STK38L: variants seen among roughly 807,000 people sequenced by gnomAD.
STK38L encodes the protein serine/threonine kinase 38 like.
A neutral mutation model predicts 59.7 loss-of-function variants in STK38L; 28 were observed. The observed-to-expected ratio is 0.47, with a 90% CI of 0.35 to 0.64. STK38L has a LOEUF of 0.64. Ranked by LOEUF, STK38L falls within the 30% of genes least tolerant of loss-of-function variation. The probability of loss-of-function intolerance (pLI) is 0.01; values close to 1 mark genes in which losing one functional copy is unlikely to be tolerated. For synonymous variants in STK38L, 162 were observed against 176.8 expected, an observed-to-expected ratio of 0.92 and a Z score of 0.66; for missense variants, 314 against 555.8, an observed-to-expected ratio of 0.56 and a Z score of 4.37.
intron 1 of STK38L, among the ~76,000 whole-genome samples, chr12:27,274,137 C>T (rs1402652663): frequency 6.6e-6 from 1 of 151,356 alleles, no homozygotes; most frequent in Non-Finnish European, 1.5e-5. Context: ...CCGGTAATCC[C>T]AGTTACTCGG....
intron 1 of STK38L, among the ~76,000 whole-genome samples, chr12:27,257,864 C>CT (rs112918365): frequency 0.05 from 7,043 of 140,632 alleles, 495 homozygotes; most frequent in East Asian, 0.39. Context: ...TTATGTCAAG[C>CT]TTTTTTTTTT....
At chr12:27,249,484 C>T (rs545127333) in intron 1 of STK38L, among the ~76,000 whole-genome samples, 3 of 152,194 alleles carry the variant, frequency 2.0e-5, no homozygotes, top group East Asian at 1.9e-4. Context: ...ATTACAGGCA[C>T]GCACCACCAT....
At chr12:27,249,630 G>C (rs528108831) in intron 1 of STK38L, among the ~76,000 whole-genome samples, 1 of 152,204 alleles carries the variant, frequency 6.6e-6, no homozygotes. Flanking sequence ...GAGCCACTGC[G>C]CCTGGCCTAT....
At chr12:27,309,813 C>T (rs1030206122) in intron 5 of STK38L, among the ~76,000 whole-genome samples, 6 of 152,154 alleles carry the variant, frequency 3.9e-5, no homozygotes, top group African/African-American at 7.2e-5. Flanking sequence ...GGACAGTTCT[C>T]AGCTCCCAGA....
intron 12 of STK38L, among the ~76,000 whole-genome samples, chr12:27,320,095 C>G (rs1014962021): frequency 1.3e-5 from 2 of 152,180 alleles, no homozygotes; most frequent in Non-Finnish European, 2.9e-5. Context: ...CTCTTCCCAC[C>G]TCTAAGTTTT....
chr12:27,295,088 T>A (rs1038589274), intron 1 of STK38L, among the ~76,000 whole-genome samples: 1 of 152,200 alleles, frequency 6.6e-6, no homozygotes, highest in Non-Finnish European at 1.5e-5. Flanking sequence ...CAGCATTGTT[T>A]TAGCAATTCA....
In STK38L at chr12:27,325,668, A is replaced by C. The variant is rs545661599; in HGVS notation, c.*3213A>C. 6.6e-6 allele frequency: 1 copy of C among 152,194 alleles called. No homozygotes were observed. 9.4% of individuals were successfully genotyped at this position (152,194 alleles called of 1,614,324 possible). On this transcript the variant is annotated 3_prime_UTR_variant, in exon 14 of 14. Coordinates refer to ENST00000389032, the MANE Select transcript of STK38L (RefSeq NM_015000.4). ...GTGCACTTATTTCTGAAAAATCTTAATGAAACAAACGCTTAGAACAAATAT... is the reference window on the plus strand; with the variant it reads ...GTGCACTTATTTCTGAAAAATCTTACTGAAACAAACGCTTAGAACAAATAT...
intron 5 of STK38L, among the ~76,000 whole-genome samples, chr12:27,310,601 T>G (rs1944431838): frequency 6.6e-6 from 1 of 152,242 alleles, no homozygotes; most frequent in African/African-American, 2.4e-5. Flanking sequence ...ATTTTTATAT[T>G]GATTACATAC....
chr12:27,288,296 G>A (rs1943821397), intron 1 of STK38L, among the ~76,000 whole-genome samples: 1 of 152,034 alleles, frequency 6.6e-6, no homozygotes, highest in Non-Finnish European at 1.5e-5. Flanking sequence ...ACATTTTAAA[G>A]CATACATTTA....
intron 3 of STK38L, chr12:27,302,407 G>A: frequency 2.8e-6 from 1 of 351,852 alleles, no homozygotes; most frequent in Non-Finnish European, 5.1e-6. Context: ...ACATTGCCAA[G>A]TGTATTTTAG....
chr12:27,292,030 T>C (rs557445597), intron 1 of STK38L, among the ~76,000 whole-genome samples: 131 of 152,364 alleles, frequency 8.6e-4, no homozygotes, highest in Non-Finnish European at 1.4e-3. Flanking sequence ...CTATTGGTAG[T>C]GTCTCCATTA....
rs1212117050 is a variant in STK38L, at chr12:27,323,944, C to A, written c.*1489C>A. The A allele has an allele frequency of 6.6e-6, 1 of 152,054 alleles. No homozygotes were observed. The highest frequency in any genetic ancestry group is 1.5e-5 in the Non-Finnish European group (1 of 67,966). The allele number at this position is 152,054 out of a possible 1,614,324, so 9.4% of individuals were successfully genotyped here. On this transcript the variant is annotated 3_prime_UTR_variant, in exon 14 of 14. Coordinates refer to ENST00000389032, the MANE Select transcript of STK38L (RefSeq NM_015000.4). ...TAATGGATGAAATTTTTTAAAGATA[C>A]AACCATGATAACCATTATAAATGAT...
At chr12:27,293,272 A>G (rs1750045930) in intron 1 of STK38L, among the ~76,000 whole-genome samples, 2 of 152,220 alleles carry the variant, frequency 1.3e-5, no homozygotes, top group South Asian at 4.1e-4. Context: ...ATTTGGCTTC[A>G]TTCTGGGAAG....
chr12:27,301,827 G>T (rs1156364875), intron 2 of STK38L, among the ~76,000 whole-genome samples: 1 of 152,054 alleles, frequency 6.6e-6, no homozygotes, highest in Non-Finnish European at 1.5e-5. Flanking sequence ...AATGATATTG[G>T]TAGATTGAAC....
chr12:27,308,759 C>T lies in STK38L; in HGVS notation c.309+298C>T, dbSNP rs1305887961. 1.3e-5 allele frequency among the ~76,000 whole-genome samples: 2 copies of T among 151,084 alleles called. No individual in the cohort carries two copies. Among genetic ancestry groups the T allele is most frequent in the African/African-American group, 2.4e-5 (1 of 41,130 alleles). On this transcript the variant is annotated intron_variant, in intron 4 of 13. Coordinates refer to ENST00000389032, the MANE Select transcript of STK38L (RefSeq NM_015000.4). This position sits in a 1 kb window ranked among gnomAD's most constrained non-coding sequence, Gnocchi z 4.5. ...GCTTGAGCCCAGGAGGCAGAAGTTG[C>T]AGTGAGCTGAGATCCCACCATTGCA...
chr12:27,247,905 C>G (rs1308042088), intron 1 of STK38L, among the ~76,000 whole-genome samples: 5 of 150,708 alleles, frequency 3.3e-5, no homozygotes, highest in East Asian at 2.0e-4. Flanking sequence ...ACCTCTGCCT[C>G]TCAGGCTCAA....
intron 2 of STK38L, among the ~76,000 whole-genome samples, chr12:27,301,257 A>T (rs894917974): frequency 1.3e-5 from 2 of 152,072 alleles, no homozygotes; most frequent in Admixed American, 6.6e-5. Flanking sequence ...GTGGGTTTTT[A>T]AAAAATATTT....
chr12:27,276,331 C>T (rs1943537086), intron 1 of STK38L, among the ~76,000 whole-genome samples: 1 of 152,048 alleles, frequency 6.6e-6, no homozygotes, highest in Non-Finnish European at 1.5e-5. Flanking sequence ...ATATGAGTTT[C>T]TCTGGTATTT....
At chr12:27,292,662 A>G (rs1208846148) in intron 1 of STK38L, among the ~76,000 whole-genome samples, 1 of 152,238 alleles carries the variant, frequency 6.6e-6, no homozygotes, top group Non-Finnish European at 1.5e-5. Context: ...CTTTCATTAC[A>G]AAGATAAATA....
Sources: gnomAD v4.1 joint callset for allele counts (sites outside exome capture counted in the v4.1 genomes callset) on GRCh38, gnomAD v4.1.1 for gene constraint, Gnocchi (gnomAD v3.1) non-coding constraint, MANE v1.5 for transcripts, NCBI Gene and HGNC (gene_info 2026-07-23, HGNC 2026-07-21) for gene names.